STRA8: variants seen among roughly 807,000 people sequenced by gnomAD.
The protein encoded by STRA8 is stimulated by retinoic acid gene 8 protein homolog.
Under a neutral mutation model 37.1 loss-of-function variants are expected in STRA8, and 18 were observed. The observed-to-expected ratio is 0.48, with a 90% CI of 0.34 to 0.72. The LOEUF (loss-of-function observed/expected upper bound fraction) is 0.72, where lower values mean the gene tolerates loss of function less well. STRA8 is among the 30% of genes least tolerant of loss of function. The pLI, the probability that STRA8 is intolerant of heterozygous loss-of-function variation, is 0.01. For missense variants in STRA8, 357 were observed against 410.4 expected, an observed-to-expected ratio of 0.87 and a Z score of 1.13; for synonymous variants, 168 against 162.9, an observed-to-expected ratio of 1.03 and a Z score of -0.24.
At chr7:135,240,423 A>G in intron 1 of STRA8, 96 bp from the exon 2 acceptor site, 1 of 1,214,864 alleles carries the variant, frequency 8.2e-7, no homozygotes, top group Non-Finnish European at 1.2e-6. Context: ...TGGGAAGGGT[A>G]CCTCCTTTCT....
intron 1 of STRA8, among the ~76,000 whole-genome samples, chr7:135,236,890 C>T (rs1832385980): frequency 1.3e-5 from 2 of 152,168 alleles, no homozygotes; most frequent in African/African-American, 2.4e-5. Flanking sequence ...GAAAGGGAAG[C>T]TTGAGTTAAT....
At chr7:135,232,108 GT>G, upstream of STRA8, 2 of 1,451,748 alleles carry the variant, frequency 1.4e-6, no homozygotes, top group Non-Finnish European at 1.9e-6. Flanking sequence ...GCTTGTGTGT[GT>G]GGCAGTGGTT....
At chr7:135,235,629 A>G (rs927678810) in intron 1 of STRA8, among the ~76,000 whole-genome samples, 1 of 152,052 alleles carries the variant, frequency 6.6e-6, no homozygotes, top group Non-Finnish European at 1.5e-5. Context: ...TTAGTAAGAG[A>G]CGGGGTTTCA....
chr7:135,252,369 C>T lies in STRA8; in HGVS notation c.953+500C>T, dbSNP rs567066594. Among the ~76,000 whole-genome samples the T allele has an allele frequency of 2.0e-5, 3 of 152,272 alleles. No individual in the cohort carries two copies. The East Asian group carries it at 5.8e-4, about 29-fold the overall frequency. On this transcript the variant is annotated intron_variant, in intron 7 of 8. Coordinates refer to ENST00000662584, the MANE Select transcript of STRA8 (RefSeq NM_001394401.1). ...AGAACAGCAAGGGGGACATCCACTT[C>T]CATGATTCAATCACACACCCCCTCA...
chr7:135,254,755 A>G (rs1014864225), intron 7 of STRA8, among the ~76,000 whole-genome samples: 2 of 152,294 alleles, frequency 1.3e-5, no homozygotes, highest in South Asian at 4.2e-4. Context: ...ACTGAACTCA[A>G]GATGTGCGGC....
At chr7:135,235,795 T>G (rs187674034) in intron 1 of STRA8, among the ~76,000 whole-genome samples, 128 of 152,262 alleles carry the variant, frequency 8.4e-4, no homozygotes, top group African/African-American at 2.9e-3. Context: ...GTTAAAGAAT[T>G]TTTACCTCCT....
intron 7 of STRA8, 84 bp from the exon 8 acceptor site, chr7:135,255,030 C>T (rs1832685468): frequency 8.8e-7 from 1 of 1,131,038 alleles, no homozygotes; most frequent in Non-Finnish European, 1.3e-6. Context: ...ATACTGTAAC[C>T]CAAATCTTTC....
At chr7:135,237,439 C>T (rs1832393694) in intron 1 of STRA8, among the ~76,000 whole-genome samples, 1 of 152,166 alleles carries the variant, frequency 6.6e-6, no homozygotes, top group South Asian at 2.1e-4. Context: ...GTTTCATTCC[C>T]CCTTCCTAGC....
chr7:135,232,626 G>GA (rs371550258), upstream of STRA8, among the ~76,000 whole-genome samples: 616 of 147,710 alleles, frequency 4.2e-3, 2 homozygotes, highest in South Asian at 8.3e-3. Flanking sequence ...CCTGTCTCAG[G>GA]AAAAAAAAAA....
chr7:135,245,599 C>G (rs1832539788), intron 5 of STRA8, among the ~76,000 whole-genome samples, 72 bp downstream of exon 5: 2 of 152,244 alleles, frequency 1.3e-5, no homozygotes, highest in African/African-American at 4.8e-5. Context: ...GACAGAGGCT[C>G]TGGCTGGGGT....
At chr7:135,253,411 G>C (rs1467801184) in intron 7 of STRA8, among the ~76,000 whole-genome samples, 1 of 152,158 alleles carries the variant, frequency 6.6e-6, no homozygotes, top group Non-Finnish European at 1.5e-5. Flanking sequence ...GCAGCTTGCG[G>C]GCAGGTTCTC....
intron 2 of STRA8, 113 bp downstream of exon 2, chr7:135,240,829 G>A (rs1395826805): frequency 1.7e-6 from 2 of 1,206,098 alleles, no homozygotes; most frequent in Non-Finnish European, 1.2e-6. Context: ...CACTTCTGCT[G>A]GGGTAGCGAC....
chr7:135,246,639 C>T lies in STRA8; in HGVS notation c.816C>T (p.Ser272=). The change falls in exon 6 of 9, where the codon AGC becomes AGT. Residue 272 remains serine (S), a synonymous_variant. Transcript: ENST00000662584. The surrounding 1 kb of genome is among the most constrained non-coding windows in gnomAD (Gnocchi z 5.4). ...ACREPACAEG[S]VKDSGVDSQG... The stretch of plus-strand genomic sequence containing the variant: ...GAGAGCCGGCCTGTGCCGAGGGCAG[C>T]GTGAAGGACAGCGGCGTGGACAGCC... 1 of 1,538,594 alleles carries T rather than the reference C, an allele frequency of 6.5e-7. No individual in the cohort carries two copies. Among genetic ancestry groups the T allele is most frequent in the Non-Finnish European group, 8.7e-7 (1 of 1,146,026 alleles).
At chr7:135,256,322 G>T (rs145720469) in intron 8 of STRA8, among the ~76,000 whole-genome samples, 216 of 152,270 alleles carry the variant, frequency 1.4e-3, no homozygotes, top group African/African-American at 5.0e-3. Flanking sequence ...CTTGCAGTTT[G>T]CTCTCCCCTT....
intron 7 of STRA8, among the ~76,000 whole-genome samples, chr7:135,253,727 T>C (rs1219767272): frequency 2.0e-5 from 3 of 152,256 alleles, no homozygotes; most frequent in Non-Finnish European, 4.4e-5. Context: ...ATTCCCTTGC[T>C]GCTTTGCTTG....
chr7:135,243,521 T>C, intron 4 of STRA8, 111 bp downstream of exon 4: 1 of 887,268 alleles, frequency 1.1e-6, no homozygotes, highest in Non-Finnish European at 1.7e-6. Context: ...CCATCAGGGC[T>C]GCTGCTCACC....
At chr7:135,252,868 G>C (rs140734297) in intron 7 of STRA8, among the ~76,000 whole-genome samples, 1 of 152,026 alleles carries the variant, frequency 6.6e-6, no homozygotes, top group African/African-American at 2.4e-5. Context: ...TTTCACAGAC[G>C]GCACCTTCTG....
intron 7 of STRA8, 78 bp downstream of exon 7, chr7:135,251,947 T>C: frequency 7.4e-7 from 1 of 1,342,882 alleles, no homozygotes; most frequent in East Asian, 2.3e-5. Flanking sequence ...TGTGTATGTG[T>C]GAGTTTGCAT....
At chr7:135,242,365 A>C (rs554308019) in intron 2 of STRA8, among the ~76,000 whole-genome samples, 78 of 152,326 alleles carry the variant, frequency 5.1e-4, no homozygotes, top group African/African-American at 1.8e-3. Context: ...TAGGACATTT[A>C]ATATTAACTA....
Sources: gnomAD v4.1 joint callset for allele counts (sites outside exome capture counted in the v4.1 genomes callset) on GRCh38, gnomAD v4.1.1 for gene constraint, Gnocchi (gnomAD v3.1) non-coding constraint, MANE v1.5 for transcripts, NCBI Gene and HGNC (gene_info 2026-07-23, HGNC 2026-07-21) for gene names.